The following PLXDC2 variants were observed in gnomAD, a reference collection of about 807,000 sequenced individuals.
PLXDC2 encodes plexin domain-containing protein 2.
PLXDC2 carries 40 observed loss-of-function variants against 68.9 expected under a neutral mutation model. The ratio of observed to expected loss-of-function variants is 0.58; its 90% confidence interval spans 0.45 to 0.76. The LOEUF is 0.76. PLXDC2 is among the 30% of genes least tolerant of loss of function. PLXDC2 has a pLI of 0.00. For missense variants in PLXDC2, 644 were observed against 661.9 expected, an observed-to-expected ratio of 0.97 and a Z score of 0.30; for synonymous variants, 243 against 234.2, an observed-to-expected ratio of 1.04 and a Z score of -0.34.
At chr10:20,019,701 G>A (rs536844788) in intron 2 of PLXDC2, among the ~76,000 whole-genome samples, 43 of 152,298 alleles carry the variant, frequency 2.8e-4, no homozygotes, top group Non-Finnish European at 5.3e-4. Flanking sequence ...AGACCAGGAA[G>A]AGAGTCCTCA....
chr10:19,989,729 T>C (rs1190061402), intron 1 of PLXDC2, among the ~76,000 whole-genome samples: 2 of 148,278 alleles, frequency 1.3e-5, no homozygotes, highest in East Asian at 4.0e-4. Context: ...TATAGAGTCC[T>C]TCAATTTTTT....
chr10:20,224,286 T>A (rs972611013), intron 12 of PLXDC2, among the ~76,000 whole-genome samples: 1 of 152,226 alleles, frequency 6.6e-6, no homozygotes, highest in Non-Finnish European at 1.5e-5. Context: ...ATTTTTCAAA[T>A]GTCTGTATTT....
chr10:19,994,725 G>GTTAATCA (rs1386785075), intron 1 of PLXDC2, among the ~76,000 whole-genome samples: 2 of 151,730 alleles, frequency 1.3e-5, no homozygotes, highest in African/African-American at 2.4e-5. Flanking sequence ...AGTTAACCTG[G>GTTAATCA]TTAATCATTC....
chr10:20,277,808 C>T (rs148375392), intron 13 of PLXDC2, among the ~76,000 whole-genome samples: 1,593 of 152,220 alleles, frequency 0.01, 27 homozygotes, highest in African/African-American at 0.035. Flanking sequence ...TTTGGGGGGA[C>T]CCATTAACTA....
chr10:20,254,912 AATC>A (rs1411815612), intron 13 of PLXDC2, among the ~76,000 whole-genome samples: 2 of 152,214 alleles, frequency 1.3e-5, no homozygotes, highest in Non-Finnish European at 2.9e-5. Flanking sequence ...TTGTATATGT[AATC>A]ATCAAAATAA....
chr10:20,147,301 G>C (rs1392048949), intron 5 of PLXDC2, among the ~76,000 whole-genome samples: 1 of 152,150 alleles, frequency 6.6e-6, no homozygotes, highest in African/African-American at 2.4e-5. Context: ...ATTCCCATTA[G>C]TGTTAAAGGA....
intron 1 of PLXDC2, among the ~76,000 whole-genome samples, chr10:19,888,427 C>T (rs983142582): frequency 1.6e-4 from 24 of 152,178 alleles, no homozygotes; most frequent in African/African-American, 4.8e-4. Context: ...TTACCAAGAG[C>T]GGGGTGCAGT....
chr10:20,076,019 G>A (rs548978379), intron 4 of PLXDC2, among the ~76,000 whole-genome samples: 2 of 152,242 alleles, frequency 1.3e-5, no homozygotes, highest in East Asian at 1.9e-4. Flanking sequence ...GCCTTTCCTA[G>A]TCACTGCAGC....
chr10:20,126,161 A>G (rs1456945176), intron 4 of PLXDC2, among the ~76,000 whole-genome samples: 4 of 147,468 alleles, frequency 2.7e-5, no homozygotes, highest in East Asian at 3.9e-4. Flanking sequence ...TATATTATGT[A>G]TGTATCTATA....
At chr10:19,848,817 AGGGGAGGAT>A (rs1224645452) in intron 1 of PLXDC2, among the ~76,000 whole-genome samples, 1 of 151,810 alleles carries the variant, frequency 6.6e-6, no homozygotes, top group East Asian at 1.9e-4. Flanking sequence ...GGGTTTTGGA[AGGGGAGGAT>A]GGCAGGTTTT....
At chr10:19,925,777 T>G (rs1833529889) in intron 1 of PLXDC2, among the ~76,000 whole-genome samples, 1 of 152,198 alleles carries the variant, frequency 6.6e-6, no homozygotes, top group African/African-American at 2.4e-5. Context: ...AAGGCGGGCT[T>G]TTATCAGCCT....
intron 9 of PLXDC2, among the ~76,000 whole-genome samples, chr10:20,201,769 G>C (rs10827996): frequency 0.93 from 141,540 of 152,116 alleles, 65,916 homozygotes; most frequent in Non-Finnish European, 0.95. Context: ...TCAATTAAAA[G>C]ATTTCCTCTC....
chr10:19,986,215 G>A (rs897153319), intron 1 of PLXDC2, among the ~76,000 whole-genome samples: 3 of 152,120 alleles, frequency 2.0e-5, no homozygotes, highest in Admixed American at 6.5e-5. Flanking sequence ...ATTGATAAAC[G>A]TATTATGAAC....
At chr10:20,051,022 G>A (rs886683470) in intron 3 of PLXDC2, among the ~76,000 whole-genome samples, 1 of 151,864 alleles carries the variant, frequency 6.6e-6, no homozygotes, top group Admixed American at 6.6e-5. Context: ...AAGAAAATGT[G>A]GTACATATAC....
chr10:19,936,756 C>T (rs1421642348), intron 1 of PLXDC2, among the ~76,000 whole-genome samples: 14 of 152,168 alleles, frequency 9.2e-5, no homozygotes, highest in East Asian at 3.9e-4. Context: ...CCTCCCACCA[C>T]GATCATTTGC....
At chr10:19,947,006 G>A (rs759716746) in intron 1 of PLXDC2, among the ~76,000 whole-genome samples, 27 of 152,106 alleles carry the variant, frequency 1.8e-4, no homozygotes, top group Non-Finnish European at 3.2e-4. Flanking sequence ...GGGGTTGGGG[G>A]CCTCTGATCT....
At chr10:20,022,611 A>G (rs1835330769) in intron 2 of PLXDC2, among the ~76,000 whole-genome samples, 1 of 152,094 alleles carries the variant, frequency 6.6e-6, no homozygotes, top group Non-Finnish European at 1.5e-5. Context: ...AAGATTAGAA[A>G]TATGTGAACA....
intron 12 of PLXDC2, among the ~76,000 whole-genome samples, chr10:20,238,175 T>TAC (rs1197279675): frequency 2.0e-5 from 3 of 149,708 alleles, no homozygotes; most frequent in Non-Finnish European, 4.4e-5. Context: ...TACATATATA[T>TAC]ACAAATATAT....
intron 1 of PLXDC2, among the ~76,000 whole-genome samples, chr10:19,904,114 C>T (rs1459904562): frequency 6.6e-6 from 1 of 152,030 alleles, no homozygotes; most frequent in Non-Finnish European, 1.5e-5. Context: ...TATGGTCTGT[C>T]TTGGAGAATG....
Sources: allele counts gnomAD v4.1 joint callset (sites outside exome capture counted in the v4.1 genomes callset), GRCh38; gene constraint gnomAD v4.1.1; transcripts MANE v1.5; gene names NCBI Gene and HGNC (gene_info 2026-07-23, HGNC 2026-07-21).